Variants in POLR3G observed in about 807,000 individuals in gnomAD.
POLR3G encodes the protein RNA polymerase III subunit G.
Under a neutral mutation model 30.1 loss-of-function variants are expected in POLR3G, and 28 were observed. That is an observed-to-expected ratio of 0.93 (90% confidence interval 0.69 to 1.27). The LOEUF (loss-of-function observed/expected upper bound fraction) is 1.27. Ranked by LOEUF, POLR3G falls within the 50% of genes most tolerant of loss-of-function variation. The pLI is 0.00. For missense variants in POLR3G, 254 were observed against 264.6 expected (o/e 0.96, Z 0.28); for synonymous variants, 79 against 82.5 (o/e 0.96, Z 0.23).
intron 6 of POLR3G, among the ~76,000 whole-genome samples, chr5:90,503,512 A>T (rs539796546): frequency 1.7e-3 from 254 of 152,314 alleles, no homozygotes; most frequent in African/African-American, 5.8e-3. Flanking sequence ...TGCTAAGATG[A>T]CATGTGCCGT....
chr5:90,477,067 G>A (rs1037250838), intron 1 of POLR3G, among the ~76,000 whole-genome samples: 1 of 152,206 alleles, frequency 6.6e-6, no homozygotes, highest in Non-Finnish European at 1.5e-5. Context: ...GGCTCCCTGG[G>A]AGACAGATAA....
intron 6 of POLR3G, among the ~76,000 whole-genome samples, chr5:90,504,468 AG>A (rs1752395697): frequency 1.3e-5 from 2 of 151,990 alleles, no homozygotes; most frequent in Non-Finnish European, 2.9e-5. Flanking sequence ...AGGCTGAGGC[AG>A]GAGAATGATG....
intron 1 of POLR3G, among the ~76,000 whole-genome samples, chr5:90,479,248 C>T (rs1201661532): frequency 2.0e-5 from 3 of 152,104 alleles, no homozygotes; most frequent in African/African-American, 7.2e-5. Flanking sequence ...GAGGCAGGCA[C>T]ATCACCTAAG....
intron 1 of POLR3G, among the ~76,000 whole-genome samples, chr5:90,477,417 G>A (rs1445636911): frequency 6.6e-6 from 1 of 152,186 alleles, no homozygotes. Context: ...CCGGCCACAG[G>A]AAGTTTATTT....
intron 2 of POLR3G, 42 bp from the exon 3 acceptor site, chr5:90,487,958 A>T (rs750989763): frequency 6.8e-7 from 1 of 1,473,428 alleles, no homozygotes; most frequent in African/African-American, 1.4e-5. Context: ...ATTAAAATAC[A>T]TAATTGATTT....
chr5:90,488,200 A>G, intron 3 of POLR3G, 71 bp downstream of exon 3: 8 of 1,243,284 alleles, frequency 6.4e-6, no homozygotes, highest in African/African-American at 4.6e-5. Context: ...CACAAGATAT[A>G]TAATCATTTA....
At chr5:90,476,675 G>A (rs890996543) in intron 1 of POLR3G, among the ~76,000 whole-genome samples, 14 of 152,150 alleles carry the variant, frequency 9.2e-5, no homozygotes, top group African/African-American at 4.8e-5. Context: ...CGTTAGTAAT[G>A]GGGACATAAA....
At chr5:90,476,358 G>A (rs183069756) in intron 1 of POLR3G, among the ~76,000 whole-genome samples, 32 of 152,314 alleles carry the variant, frequency 2.1e-4, no homozygotes, top group Non-Finnish European at 2.9e-4. Flanking sequence ...AGGAGTTTGA[G>A]GGAAGATAAT....
intron 1 of POLR3G, among the ~76,000 whole-genome samples, chr5:90,476,547 T>C (rs752472729): frequency 1.0e-3 from 152 of 152,184 alleles, no homozygotes; most frequent in Non-Finnish European, 7.4e-4. Flanking sequence ...CTCAGTAGTC[T>C]GGGTACTTTT....
chr5:90,497,935 G>C (rs1346004154), intron 5 of POLR3G, among the ~76,000 whole-genome samples: 1 of 151,972 alleles, frequency 6.6e-6, no homozygotes, highest in Admixed American at 6.6e-5. Flanking sequence ...GTGAGAACTT[G>C]TCTCTACAAA....
At chr5:90,482,083 A>G (rs1398359644) in intron 1 of POLR3G, among the ~76,000 whole-genome samples, 1 of 152,218 alleles carries the variant, frequency 6.6e-6, no homozygotes, top group Non-Finnish European at 1.5e-5. Context: ...TAAAACGACA[A>G]CATTAAAGAT....
At chr5:90,500,020 A>T (rs1268244640) in intron 5 of POLR3G, among the ~76,000 whole-genome samples, 2 of 152,212 alleles carry the variant, frequency 1.3e-5, no homozygotes, top group African/African-American at 4.8e-5. Flanking sequence ...TCATTTTGGA[A>T]GAGTTAATGT....
chr5:90,510,564 G>A (rs1752692408), intron 7 of POLR3G, among the ~76,000 whole-genome samples: 1 of 151,992 alleles, frequency 6.6e-6, no homozygotes, highest in South Asian at 2.1e-4. Context: ...TTCTACACAA[G>A]TGTTCTTGCC....
At chr5:90,488,455 T>A (rs1030210183) in intron 3 of POLR3G, among the ~76,000 whole-genome samples, 2 of 152,156 alleles carry the variant, frequency 1.3e-5, no homozygotes, top group African/African-American at 4.8e-5. Context: ...TTTTTTCTTA[T>A]GCATGTATAT....
chr5:90,479,652 A>G (rs1387830161), intron 1 of POLR3G, among the ~76,000 whole-genome samples: 1 of 152,026 alleles, frequency 6.6e-6, no homozygotes, highest in Admixed American at 6.6e-5. Context: ...TCCAAGAGCA[A>G]TGTGGGATGA....
chr5:90,501,805 G>A, intron 5 of POLR3G, 101 bp from the exon 6 acceptor site: 3 of 1,302,814 alleles, frequency 2.3e-6, no homozygotes, highest in Non-Finnish European at 3.2e-6. Context: ...TGACTGCCTA[G>A]GATGCAGTAG....
At chr5:90,506,785 A>G (rs895864288) in intron 7 of POLR3G, 111 bp downstream of exon 7, 1 of 1,379,648 alleles carries the variant, frequency 7.2e-7, no homozygotes, top group Non-Finnish European at 9.5e-7. Flanking sequence ...GATGGGAACC[A>G]GAAGTATATT....
Position 90,512,045 on chromosome 5 carries a change from T to A in POLR3G, c.586-8T>A. On this transcript the variant is annotated splice_polypyrimidine_tract_variant and splice_region_variant and intron_variant, in intron 7 of 7. Transcript: ENST00000651687. ...AACGTTTACAAAGGAATATATCATT[T>A]CACTTAGGAAAATGACTACATTAAT... 1 of 1,563,462 alleles carries A rather than the reference T, an allele frequency of 6.4e-7. No homozygotes were observed. Among genetic ancestry groups the A allele is most frequent in the Non-Finnish European group, 8.8e-7 (1 of 1,134,350 alleles).
At chr5:90,481,710 A>T (rs1268305403) in intron 1 of POLR3G, among the ~76,000 whole-genome samples, 1 of 152,228 alleles carries the variant, frequency 6.6e-6, no homozygotes, top group African/African-American at 2.4e-5. Flanking sequence ...AGAAAGTTAA[A>T]TGTCATGTAT....
Sources: gnomAD v4.1 joint callset for allele counts (sites outside exome capture counted in the v4.1 genomes callset) on GRCh38, gnomAD v4.1.1 for gene constraint, MANE v1.5 for transcripts, NCBI Gene and HGNC (gene_info 2026-07-23, HGNC 2026-07-21) for gene names.